Variants in MYT1L observed in about 807,000 individuals in gnomAD.
MYT1L encodes the protein myelin transcription factor 1 like.
MYT1L carries 12 observed loss-of-function variants against 126.7 expected under a neutral mutation model. The observed-to-expected ratio is 0.09, with a 90% confidence interval of 0.06 to 0.15. The LOEUF is 0.15. Ranked by LOEUF, MYT1L falls within the 10% of genes least tolerant of loss-of-function variation. The pLI is 1.00. For missense variants in MYT1L, 979 were observed against 1,585.2 expected, an observed-to-expected ratio of 0.62 and a Z score of 6.49; for synonymous variants, 541 against 604.2, an observed-to-expected ratio of 0.90 and a Z score of 1.53.
chr2:2,026,364 G>A (rs759802143), intron 4 of MYT1L, among the ~76,000 whole-genome samples: 1 of 152,152 alleles, frequency 6.6e-6, no homozygotes, highest in Non-Finnish European at 1.5e-5. Flanking sequence ...TCCCAAGGCC[G>A]TGCCCAGGAG....
intron 4 of MYT1L, among the ~76,000 whole-genome samples, chr2:2,047,434 G>A (rs956009932): frequency 6.6e-6 from 1 of 152,180 alleles, no homozygotes; most frequent in Non-Finnish European, 1.5e-5. Flanking sequence ...TCCTAACAAA[G>A]TGTACCCCCA....
intron 4 of MYT1L, among the ~76,000 whole-genome samples, chr2:2,033,480 G>T (rs745574011): frequency 1.3e-5 from 2 of 152,228 alleles, no homozygotes; most frequent in Non-Finnish European, 2.9e-5. Context: ...CTATGGCAAC[G>T]AGGCAGAACT....
At chr2:1,864,582 T>G (rs1055016720) in intron 18 of MYT1L, among the ~76,000 whole-genome samples, 6 of 152,178 alleles carry the variant, frequency 3.9e-5, no homozygotes, top group Non-Finnish European at 8.8e-5. Context: ...GAGCTCCCGC[T>G]TTGCCTCCTG....
chr2:2,044,820 G>A (rs1160607773), intron 4 of MYT1L, among the ~76,000 whole-genome samples: 1 of 152,160 alleles, frequency 6.6e-6, no homozygotes, highest in Admixed American at 6.6e-5. Flanking sequence ...CAAGGACTCC[G>A]TGTTCCCGAT....
chr2:2,001,904 AGGT>A (rs2062430964), intron 4 of MYT1L, among the ~76,000 whole-genome samples: 1 of 152,084 alleles, frequency 6.6e-6, no homozygotes, highest in African/African-American at 2.4e-5. Flanking sequence ...TCTTGCTCAG[AGGT>A]GGGGGGGTCA....
At chr2:2,183,018 G>C (rs2091705540) in intron 2 of MYT1L, among the ~76,000 whole-genome samples, 1 of 152,194 alleles carries the variant, frequency 6.6e-6, no homozygotes, top group South Asian at 2.1e-4. Context: ...GTTTTCCGAG[G>C]AGCAGCAGCT....
chr2:1,802,681 A>G (rs1349691622), intron 22 of MYT1L, among the ~76,000 whole-genome samples: 1 of 152,200 alleles, frequency 6.6e-6, no homozygotes. Flanking sequence ...CATTCTGGAC[A>G]CTTGCTTCCC....
chr2:1,958,847 T>C (rs947577893), intron 8 of MYT1L, among the ~76,000 whole-genome samples: 12 of 146,146 alleles, frequency 8.2e-5, no homozygotes, highest in African/African-American at 2.5e-4. Context: ...CTGTTCACTA[T>C]GCTATGAGAG....
intron 9 of MYT1L, among the ~76,000 whole-genome samples, chr2:1,934,208 T>C (rs2055468838): frequency 6.6e-6 from 1 of 150,894 alleles, no homozygotes; most frequent in African/African-American, 2.4e-5. Context: ...TCTCCTGACC[T>C]CGTGATCCTC....
chr2:1,946,991 G>T (rs1005130509), intron 8 of MYT1L, among the ~76,000 whole-genome samples: 1 of 152,084 alleles, frequency 6.6e-6, no homozygotes, highest in African/African-American at 2.4e-5. Context: ...TTGGTGTCGC[G>T]GGTCATAATG....
intron 13 of MYT1L, among the ~76,000 whole-genome samples, chr2:1,909,880 T>A (rs144690219): frequency 4.6e-5 from 7 of 152,170 alleles, no homozygotes; most frequent in Non-Finnish European, 8.8e-5. Context: ...TGAGGCCCTA[T>A]CCTGCAAAAT....
chr2:1,840,882 T>C, intron 19 of MYT1L, 39 bp from the exon 20 acceptor site: 1 of 1,236,928 alleles, frequency 8.1e-7, no homozygotes, highest in South Asian at 1.4e-5. Flanking sequence ...CCCCACACCG[T>C]TGATTTCAGT....
intron 3 of MYT1L, among the ~76,000 whole-genome samples, chr2:2,099,227 G>C (rs546168704): frequency 2.0e-5 from 3 of 152,234 alleles, no homozygotes; most frequent in East Asian, 3.9e-4. Context: ...CACATGTACT[G>C]ATTTTGTTTT....
chr2:2,125,459 C>T (rs2081563891), intron 3 of MYT1L, among the ~76,000 whole-genome samples: 1 of 152,152 alleles, frequency 6.6e-6, no homozygotes, highest in South Asian at 2.1e-4. Context: ...AAACTGTAAG[C>T]TCCACAAAGC....
chr2:2,282,200 C>A (rs2095457246), intron 2 of MYT1L, among the ~76,000 whole-genome samples: 1 of 152,192 alleles, frequency 6.6e-6, no homozygotes, highest in African/African-American at 2.4e-5. Context: ...CATGTTCTAT[C>A]ATTTACATAT....
Position 1,982,433 on chromosome 2 carries a change from T to A in MYT1L, c.1-2656A>T, listed in dbSNP as rs190015675. Among the ~76,000 whole-genome samples, 27 of 152,346 alleles carry A rather than the reference T, an allele frequency of 1.8e-4. No homozygotes were observed. The East Asian group carries it at 5.2e-3, about 29-fold the overall frequency. ...TGAGAAACATTCTCCGGGGGTGTAG[T>A]GGAAGTTTGGATGAGGCTTCCATTG... On this transcript the variant is annotated intron_variant, in intron 5 of 24. Transcript: ENST00000647738.
chr2:2,234,619 AG>A, intron 2 of MYT1L, among the ~76,000 whole-genome samples: 1 of 152,304 alleles, frequency 6.6e-6, no homozygotes, highest in African/African-American at 2.4e-5. Context: ...TGCCTCCCAG[AG>A]GGCCTACTTC....
chr2:2,153,253 A>G (rs1224418631), intron 3 of MYT1L, among the ~76,000 whole-genome samples: 1 of 152,128 alleles, frequency 6.6e-6, no homozygotes, highest in Non-Finnish European at 1.5e-5. Context: ...TATGAACGAG[A>G]CCCTGCCTCA....
chr2:1,930,061 A>G (rs1267142798), intron 9 of MYT1L, among the ~76,000 whole-genome samples: 1 of 152,170 alleles, frequency 6.6e-6, no homozygotes, highest in Non-Finnish European at 1.5e-5. Context: ...TCAGCTGGAG[A>G]GACAAGGAGG....
Sources: gnomAD v4.1 joint callset for allele counts (sites outside exome capture counted in the v4.1 genomes callset) on GRCh38, gnomAD v4.1.1 for gene constraint, MANE v1.5 for transcripts, NCBI Gene and HGNC (gene_info 2026-07-23, HGNC 2026-07-21) for gene names.